Variants in PVT1 observed in about 807,000 individuals in gnomAD.
The protein encoded by PVT1 is CXCR4/PVT1 fusion.
intron 2 of PVT1, among the ~76,000 whole-genome samples, chr8:127,800,419 C>T (rs1362352695): frequency 6.6e-6 from 1 of 152,138 alleles, no homozygotes; most frequent in Non-Finnish European, 1.5e-5. Context: ...AGCTGGGGGA[C>T]AGATGGAGGC....
chr8:127,899,751 C>T (rs1815735341), intron 3 of PVT1, among the ~76,000 whole-genome samples: 1 of 152,188 alleles, frequency 6.6e-6, no homozygotes, highest in Non-Finnish European at 1.5e-5. Context: ...GTGGAGACCT[C>T]ATGATCTGGT....
chr8:127,922,042 G>A (rs1417047720), intron 3 of PVT1, among the ~76,000 whole-genome samples: 1 of 151,262 alleles, frequency 6.6e-6, no homozygotes, highest in Admixed American at 6.6e-5. Flanking sequence ...TGTATTTTTA[G>A]TAGAGACGGT....
intron 3 of PVT1, chr8:127,984,176 G>C (rs1318352296): frequency 6.6e-6 from 1 of 152,130 alleles, no homozygotes; most frequent in African/African-American, 2.4e-5. Context: ...ACCGCACCCG[G>C]ACGACTCTGA....
At chr8:127,932,018 C>T (rs1334447243) in intron 3 of PVT1, among the ~76,000 whole-genome samples, 2 of 152,246 alleles carry the variant, frequency 1.3e-5, no homozygotes, top group Non-Finnish European at 2.9e-5. Context: ...TCCTCCCACC[C>T]CATCCTCAGG....
At chr8:127,795,067 C>G (rs2130180378) in intron 1 of PVT1, among the ~76,000 whole-genome samples, 1 of 152,296 alleles carries the variant, frequency 6.6e-6, no homozygotes, top group East Asian at 1.9e-4. Flanking sequence ...GGAGGCCCCT[C>G]TGGCGAAACT....
intron 3 of PVT1, among the ~76,000 whole-genome samples, chr8:127,892,608 G>A (rs1475887451): frequency 6.6e-6 from 1 of 152,196 alleles, no homozygotes; most frequent in Non-Finnish European, 1.5e-5. Flanking sequence ...AGAAGACAGA[G>A]CCAGAAGCTG....
chr8:127,925,348 A>G (rs1816116504), intron 3 of PVT1, among the ~76,000 whole-genome samples: 1 of 152,210 alleles, frequency 6.6e-6, no homozygotes, highest in Non-Finnish European at 1.5e-5. Flanking sequence ...ATATAGTTGA[A>G]AAAATCAAAA....
intron 2 of PVT1, among the ~76,000 whole-genome samples, chr8:127,873,487 G>A (rs184080939): frequency 1.7e-4 from 26 of 152,302 alleles, no homozygotes; most frequent in African/African-American, 6.0e-4. Context: ...GAGCTAGTAG[G>A]TGGTATCAAT....
chr8:127,860,139 G>T (rs544215848), intron 2 of PVT1, among the ~76,000 whole-genome samples: 55 of 152,174 alleles, frequency 3.6e-4, no homozygotes, highest in Non-Finnish European at 7.2e-4. Context: ...CCATGGGGCT[G>T]CTCTGTGAAG....
intron 4 of PVT1, among the ~76,000 whole-genome samples, chr8:128,027,668 C>T (rs1318301974): frequency 6.6e-6 from 1 of 152,188 alleles, no homozygotes; most frequent in Non-Finnish European, 1.5e-5. Flanking sequence ...CCTCCCTGGG[C>T]TGTGGCACCA....
At chr8:128,012,496 C>T (rs973603874) in intron 4 of PVT1, among the ~76,000 whole-genome samples, 1 of 152,142 alleles carries the variant, frequency 6.6e-6, no homozygotes, top group African/African-American at 2.4e-5. Context: ...GCAAGGTTTT[C>T]AACTCTTCTT....
chr8:127,844,853 A>G (rs1815014079), intron 2 of PVT1, among the ~76,000 whole-genome samples: 1 of 151,976 alleles, frequency 6.6e-6, no homozygotes, highest in African/African-American at 2.4e-5. Context: ...AGCTGGAACT[A>G]CAGGCGCCCA....
In PVT1 at chr8:127,856,274, TG is replaced by T. The variant is rs527324537; in HGVS notation, n.373-34312del. Among the ~76,000 whole-genome samples the T allele has an allele frequency of 3.4e-4, 51 of 152,056 alleles. No individual in the cohort carries two copies. In the South Asian group the frequency reaches 8.9e-3, roughly 27 times the overall value. On this transcript the variant is annotated intron_variant and non_coding_transcript_variant, in intron 2 of 10. Transcript: ENST00000651587. Reference sequence around the variant, plus strand: ...GGCTGGGAAAGGTGGTTGGGTGTCCTGGGAAGGCTTTTATAGACACTGCGTG... The same window carrying T: ...GGCTGGGAAAGGTGGTTGGGTGTCCTGGAAGGCTTTTATAGACACTGCGTG...
In PVT1 at chr8:127,821,656, C is replaced by CA. The variant is rs561038784; in HGVS notation, n.372+25591dup. 5.0e-3 allele frequency among the ~76,000 whole-genome samples: 759 copies of CA among 151,916 alleles called. 8 individuals carry two copies. The highest frequency in any genetic ancestry group is 0.017 in the African/African-American group (711 of 41,480). ...AAACCTCATCTCTACTAAAAATACACAAAAAATTAGCTGGGCATGGTGGTG... is the reference window on the plus strand; with the variant it reads ...AAACCTCATCTCTACTAAAAATACACAAAAAAATTAGCTGGGCATGGTGGTG... On this transcript the variant is annotated intron_variant and non_coding_transcript_variant, in intron 2 of 10. Coordinates refer to ENST00000651587, the Ensembl canonical transcript of PVT1.
Position 128,041,075 on chromosome 8 carries a change from T to G in PVT1, n.913-29085T>G, listed in dbSNP as rs189140393. 3.2e-3 allele frequency among the ~76,000 whole-genome samples: 488 copies of G among 151,604 alleles called. 4 individuals carry two copies. The highest frequency in any genetic ancestry group is 0.011 in the African/African-American group (469 of 41,280). ...TTTGTGTGTTTTGTGCTTGTGTGTA[T>G]TTGTGCATATGTTTGTGTGTGCTTG... On this transcript the variant is annotated intron_variant and non_coding_transcript_variant, in intron 4 of 10. Transcript: ENST00000651587.
At chr8:128,072,466 T>G (rs1351126945) in intron 5 of PVT1, among the ~76,000 whole-genome samples, 1 of 152,228 alleles carries the variant, frequency 6.6e-6, no homozygotes, top group South Asian at 2.1e-4. Context: ...AAAAGTGCCT[T>G]ATAAGCTGAC....
intron 2 of PVT1, among the ~76,000 whole-genome samples, chr8:127,805,091 C>G (rs562069124): frequency 6.6e-6 from 1 of 151,402 alleles, no homozygotes; most frequent in Non-Finnish European, 1.5e-5. Flanking sequence ...CCACCACGCC[C>G]GGCTAATTTT....
intron 3 of PVT1, among the ~76,000 whole-genome samples, chr8:127,941,050 T>A (rs1436195521): frequency 6.6e-6 from 1 of 152,176 alleles, no homozygotes. Context: ...TTCCTTGAGG[T>A]TGTAGGGCTG....
At chr8:128,065,376 G>T (rs970546011) in intron 4 of PVT1, among the ~76,000 whole-genome samples, 3 of 152,036 alleles carry the variant, frequency 2.0e-5, no homozygotes, top group African/African-American at 7.2e-5. Flanking sequence ...ATCATTGACA[G>T]GGTTTTGCCA....
Sources: allele counts gnomAD v4.1 joint callset (sites outside exome capture counted in the v4.1 genomes callset), GRCh38; gene constraint gnomAD v4.1.1; transcripts MANE v1.5; gene names NCBI Gene and HGNC (gene_info 2026-07-23, HGNC 2026-07-21).